ITGA9: variants seen among roughly 807,000 people sequenced by gnomAD.
The protein encoded by ITGA9 is integrin subunit alpha 9.
ITGA9 carries 56 observed loss-of-function variants against 127.8 expected under a neutral mutation model. The ratio of observed to expected loss-of-function variants is 0.44; its 90% confidence interval spans 0.35 to 0.55. The LOEUF (loss-of-function observed/expected upper bound fraction) is 0.55, where lower values mean the gene tolerates loss of function less well. Ranked by LOEUF, ITGA9 falls within the 20% of genes least tolerant of loss-of-function variation. The pLI is 0.00. For missense variants in ITGA9, 1,196 were observed against 1,347.1 expected (o/e 0.89, Z 1.76); for synonymous variants, 508 against 514.5 (o/e 0.99, Z 0.17).
intron 3 of ITGA9, among the ~76,000 whole-genome samples, chr3:37,474,895 T>C (rs1253503763): frequency 6.6e-6 from 1 of 152,250 alleles, no homozygotes; most frequent in Non-Finnish European, 1.5e-5. Flanking sequence ...TTAAACTTCT[T>C]CATGGCATAA....
chr3:37,748,889 G>A (rs1696543760), intron 22 of ITGA9: 3 of 995,812 alleles, frequency 3.0e-6, no homozygotes, highest in African/African-American at 1.6e-5. Context: ...TGTTCCCTAT[G>A]AATTCATGGC....
chr3:37,596,219 T>C (rs1412854449), intron 15 of ITGA9, among the ~76,000 whole-genome samples: 1 of 152,348 alleles, frequency 6.6e-6, no homozygotes, highest in East Asian at 1.9e-4. Flanking sequence ...GTGGTGAGTC[T>C]TTCTAAATCC....
intron 18 of ITGA9, among the ~76,000 whole-genome samples, chr3:37,732,079 T>C (rs1696299435): frequency 6.6e-6 from 1 of 152,176 alleles, no homozygotes; most frequent in Non-Finnish European, 1.5e-5. Flanking sequence ...TTGACCTTGG[T>C]TGGAAGCCAT....
chr3:37,505,509 A>T (rs1330700934), intron 6 of ITGA9, among the ~76,000 whole-genome samples: 2 of 152,244 alleles, frequency 1.3e-5, no homozygotes, highest in African/African-American at 2.4e-5. Flanking sequence ...AGAAAAGGCA[A>T]ACCTAATATA....
At chr3:37,707,396 A>G (rs2125676156) in intron 18 of ITGA9, among the ~76,000 whole-genome samples, 1 of 151,990 alleles carries the variant, frequency 6.6e-6, no homozygotes, top group East Asian at 1.9e-4. Flanking sequence ...TTTATGAAAC[A>G]CCTCCCTTGT....
At chr3:37,743,893 G>A (rs1165345734) in intron 21 of ITGA9, 33 bp from the exon 22 acceptor site, 2 of 1,419,242 alleles carry the variant, frequency 1.4e-6, no homozygotes, top group Admixed American at 1.7e-5. Flanking sequence ...GACTGTGGGT[G>A]GGGATGACAG....
At chr3:37,764,679 C>T (rs80070015) in intron 23 of ITGA9, among the ~76,000 whole-genome samples, 3,024 of 152,212 alleles carry the variant, frequency 0.02, 105 homozygotes, top group African/African-American at 0.068. Flanking sequence ...CTAGTGACTT[C>T]TCCTCCCCTC....
chr3:37,672,925 A>G (rs1700651161), intron 17 of ITGA9, among the ~76,000 whole-genome samples: 1 of 152,024 alleles, frequency 6.6e-6, no homozygotes, highest in African/African-American at 2.4e-5. Flanking sequence ...ACAACAAAAA[A>G]TAGAGCAATA....
chr3:37,629,925 G>A lies in ITGA9; in HGVS notation c.1839+589G>A, dbSNP rs182428105. ...CCTGTGCCTGATTTTGTGCAGCAGC[G>A]CTGGCCAGCTCTGAGGCGTGCAGCA... is the stretch of plus-strand genomic sequence containing the variant. On this transcript the variant is annotated intron_variant, in intron 16 of 27. Transcript: ENST00000264741. The surrounding 1 kb of genome is among the most constrained non-coding windows in gnomAD (Gnocchi z 4.5). 4.5e-3 allele frequency among the ~76,000 whole-genome samples: 678 copies of A among 152,282 alleles called. 4 individuals are homozygous for A. The highest frequency in any genetic ancestry group is 0.024 in the Middle Eastern group (7 of 294).
At chr3:37,698,623 G>A (rs547043345) in intron 18 of ITGA9, among the ~76,000 whole-genome samples, 3 of 152,172 alleles carry the variant, frequency 2.0e-5, no homozygotes, top group Non-Finnish European at 4.4e-5. Flanking sequence ...TATCTTTTGT[G>A]AATAAGGATA....
intron 17 of ITGA9, among the ~76,000 whole-genome samples, chr3:37,673,309 T>C (rs1323823255): frequency 6.6e-6 from 1 of 152,130 alleles, no homozygotes; most frequent in Non-Finnish European, 1.5e-5. Context: ...TCTGAAAACA[T>C]GACACATCAA....
intron 4 of ITGA9, among the ~76,000 whole-genome samples, chr3:37,485,603 G>A (rs974230531): frequency 6.6e-6 from 1 of 152,184 alleles, no homozygotes; most frequent in Non-Finnish European, 1.5e-5. Flanking sequence ...ATATGGGCCA[G>A]CTGTGCTCCT....
intron 15 of ITGA9, among the ~76,000 whole-genome samples, chr3:37,573,559 G>T (rs764075400): frequency 9.9e-5 from 15 of 152,074 alleles, no homozygotes; most frequent in Non-Finnish European, 1.6e-4. Context: ...ACCTCAGATG[G>T]GCTGTCATCC....
Position 37,629,128 on chromosome 3 carries a change from T to C in ITGA9, c.1690-59T>C, listed in dbSNP as rs562969645. 2.0e-4 allele frequency: 313 copies of C among 1,596,176 alleles called. No individual in the cohort carries two copies. The highest frequency in any genetic ancestry group is 2.6e-4 in the Non-Finnish European group (303 of 1,165,574). ...TAGAAGGTCTTTGTAAACTGTGAAATGCTCTACGACTGTCAGCCAGGATTA... is the reference window on the plus strand; with the variant it reads ...TAGAAGGTCTTTGTAAACTGTGAAACGCTCTACGACTGTCAGCCAGGATTA... On this transcript the variant is annotated intron_variant, in intron 15 of 27. Coordinates refer to ENST00000264741, the MANE Select transcript of ITGA9 (RefSeq NM_002207.3). This position sits in a 1 kb window ranked among gnomAD's most constrained non-coding sequence, Gnocchi z 4.5.
chr3:37,762,169 A>G (rs1301711958), intron 23 of ITGA9, among the ~76,000 whole-genome samples: 1 of 152,120 alleles, frequency 6.6e-6, no homozygotes, highest in Non-Finnish European at 1.5e-5. Flanking sequence ...CCAAACCCCA[A>G]TTTGGGGGTT....
intron 14 of ITGA9, among the ~76,000 whole-genome samples, chr3:37,536,178 CTG>C (rs1699206313): frequency 6.6e-6 from 1 of 152,246 alleles, no homozygotes; most frequent in African/African-American, 2.4e-5. Flanking sequence ...CTGGCCAACT[CTG>C]TCATCTCCAG....
intron 17 of ITGA9, among the ~76,000 whole-genome samples, chr3:37,680,421 C>T (rs1328762167): frequency 1.3e-5 from 2 of 152,096 alleles, no homozygotes; most frequent in African/African-American, 2.4e-5. Context: ...TGGCTGCTTC[C>T]CTTAATCACA....
At chr3:37,690,575 C>A (rs1309356744) in intron 18 of ITGA9, among the ~76,000 whole-genome samples, 1 of 152,140 alleles carries the variant, frequency 6.6e-6, no homozygotes, top group African/African-American at 2.4e-5. Flanking sequence ...GGAAACAGAC[C>A]TGGACATGAA....
intron 1 of ITGA9, among the ~76,000 whole-genome samples, chr3:37,458,969 A>G (rs1025453290): frequency 6.6e-6 from 1 of 152,234 alleles, no homozygotes; most frequent in Non-Finnish European, 1.5e-5. Flanking sequence ...CCAAAGCAGA[A>G]TAAAATGTTT....
Sources: allele counts gnomAD v4.1 joint callset (sites outside exome capture counted in the v4.1 genomes callset), GRCh38; gene constraint gnomAD v4.1.1; non-coding constraint Gnocchi (gnomAD v3.1); transcripts MANE v1.5; gene names NCBI Gene and HGNC (gene_info 2026-07-23, HGNC 2026-07-21).